Variants in CORO2B observed in about 807,000 individuals in gnomAD.
CORO2B encodes the protein coronin 2B.
Under a neutral mutation model 58.8 loss-of-function variants are expected in CORO2B, and 26 were observed. The ratio of observed to expected loss-of-function variants is 0.44; its 90% CI spans 0.32 to 0.61. The LOEUF (loss-of-function observed/expected upper bound fraction) is 0.61, where lower values mean the gene tolerates loss of function less well. CORO2B is among the 20% of genes least tolerant of loss of function. The probability of loss-of-function intolerance (pLI) is 0.04; values close to 1 mark genes in which losing one functional copy is unlikely to be tolerated. For missense variants in CORO2B, 460 were observed against 645.1 expected, an observed-to-expected ratio of 0.71 and a Z score of 3.11; for synonymous variants, 242 against 253.8, an observed-to-expected ratio of 0.95 and a Z score of 0.44.
intron 2 of CORO2B, among the ~76,000 whole-genome samples, chr15:68,685,413 T>G (rs888372320): frequency 6.6e-6 from 1 of 152,192 alleles, no homozygotes; most frequent in Admixed American, 6.5e-5. Flanking sequence ...GATTTTGCCA[T>G]GTTGCCCAGG....
chr15:68,582,642 AAT>A (rs1014993846), intron 1 of CORO2B, among the ~76,000 whole-genome samples: 11 of 152,208 alleles, frequency 7.2e-5, no homozygotes, highest in Admixed American at 5.9e-4. Context: ...AAGGTACATT[AAT>A]AGAGTCGTGT....
intron 2 of CORO2B, among the ~76,000 whole-genome samples, chr15:68,683,491 A>G (rs965839674): frequency 5.9e-5 from 9 of 152,116 alleles, no homozygotes; most frequent in African/African-American, 2.2e-4. Context: ...TTTTTCCACA[A>G]TTTGCATAGA....
chr15:68,629,691 C>T (rs747851770), intron 1 of CORO2B, among the ~76,000 whole-genome samples: 9 of 152,168 alleles, frequency 5.9e-5, no homozygotes, highest in African/African-American at 2.2e-4. Flanking sequence ...GTCAGTGACA[C>T]GAGCAGCCTC....
chr15:68,671,965 CA>C (rs1244548530), intron 2 of CORO2B, among the ~76,000 whole-genome samples: 1 of 152,152 alleles, frequency 6.6e-6, no homozygotes, highest in Non-Finnish European at 1.5e-5. Flanking sequence ...AAGGGGCAGT[CA>C]GGGGCTATCC....
upstream of CORO2B, among the ~76,000 whole-genome samples, chr15:68,577,802 T>G (rs544259607): frequency 6.6e-6 from 1 of 150,640 alleles, no homozygotes; most frequent in African/African-American, 2.4e-5. Flanking sequence ...TTATTATTGC[T>G]CCAATCTAGA....
At chr15:68,641,380 C>G (rs1021307290) in intron 1 of CORO2B, 2 of 248,672 alleles carry the variant, frequency 8.0e-6, no homozygotes, top group Non-Finnish European at 1.3e-5. Flanking sequence ...CCAGAGCCTT[C>G]ACCACAGATG....
intron 1 of CORO2B, among the ~76,000 whole-genome samples, chr15:68,636,395 C>A (rs1340404534): frequency 6.6e-6 from 1 of 152,226 alleles, no homozygotes; most frequent in Non-Finnish European, 1.5e-5. Context: ...ATAGAATAGA[C>A]CGTGTCTCTG....
chr15:68,703,196 G>C (rs1430586120), intron 3 of CORO2B, among the ~76,000 whole-genome samples: 6 of 137,550 alleles, frequency 4.4e-5, no homozygotes, highest in Admixed American at 2.4e-4. Flanking sequence ...CTGTCACCAG[G>C]CTGTCATGCA....
chr15:68,523,463 C>T, the CORO2B span, among the ~76,000 whole-genome samples: 1 of 152,208 alleles, frequency 6.6e-6, no homozygotes, highest in Non-Finnish European at 1.5e-5. Flanking sequence ...TCCCAAAGTG[C>T]TGGGACTATA....
chr15:68,710,607 C>G lies in CORO2B; in HGVS notation c.334-125C>G. The G allele has an allele frequency of 2.5e-6, 3 of 1,205,256 alleles. No homozygotes were observed. Among genetic ancestry groups the G allele is most frequent in the Non-Finnish European group, 2.2e-6 (2 of 901,730 alleles). The allele number at this position is 1,205,256 out of a possible 1,614,324, so 74.7% of individuals were successfully genotyped here. ...GCCTCAGTCGAGCTTTGCCCATCGC[C>G]TCAAGCCAGGAGGTGGCTCATCAGG... On this transcript the variant is annotated intron_variant, in intron 3 of 11. Coordinates refer to ENST00000261861, the MANE Select transcript of CORO2B (RefSeq NM_006091.5). The surrounding 1 kb of genome is among the most constrained non-coding windows in gnomAD (Gnocchi z 4.1).
At chr15:68,724,004 C>A (rs1475669972) in intron 11 of CORO2B, among the ~76,000 whole-genome samples, 2 of 151,936 alleles carry the variant, frequency 1.3e-5, no homozygotes, top group Non-Finnish European at 1.5e-5. Context: ...GAGTTCAAGA[C>A]CAGCCTGGCC....
chr15:68,644,927 C>T (rs1901373010), intron 1 of CORO2B, among the ~76,000 whole-genome samples: 1 of 152,174 alleles, frequency 6.6e-6, no homozygotes, highest in African/African-American at 2.4e-5. Flanking sequence ...CTATGCCAAT[C>T]TTTGTTTTTG....
At chr15:68,714,497 G>A (rs1263799306) in intron 6 of CORO2B, 62 bp from the exon 7 acceptor site, 2 of 1,318,726 alleles carry the variant, frequency 1.5e-6, no homozygotes, top group Non-Finnish European at 2.2e-6. Flanking sequence ...GCCTTCCTGG[G>A]ATTTGGGGAG....
rs779692073 is a variant in CORO2B, at chr15:68,645,240, T to A, written c.96T>A (p.Asp32Glu). ...TGGCCAACCGGGAGCACTGCTTCGA[T>A]GGGATCCCCATCACCAAGAATGTGC... ...GKVANREHCF[D>E]GIPITKNVHD... Residue 32 changes from aspartate (D) to glutamate (E), a missense_variant, in exon 2 of 12, where the codon GAT (aspartate) becomes GAA (glutamate). Around this residue, in one of 2 missense-constraint regions of CORO2B, gnomAD observed 352 missense variants for 543.0 expected, o/e 0.65. Transcript: ENST00000261861. The surrounding 1 kb of genome is among the most constrained non-coding windows in gnomAD (Gnocchi z 4.5). 7 of 1,614,184 alleles carry A rather than the reference T, an allele frequency of 4.3e-6. No individual in the cohort carries two copies. Among genetic ancestry groups the A allele is most frequent in the Non-Finnish European group, 5.9e-6 (7 of 1,180,028 alleles).
chr15:68,585,419 A>G (rs1486649875), intron 1 of CORO2B, among the ~76,000 whole-genome samples: 2 of 152,180 alleles, frequency 1.3e-5, no homozygotes, highest in Non-Finnish European at 2.9e-5. Context: ...GCATGATCGC[A>G]TTTACTCTGT....
intron 2 of CORO2B, among the ~76,000 whole-genome samples, chr15:68,693,720 C>T (rs1485655458): frequency 6.6e-6 from 1 of 152,232 alleles, no homozygotes. Flanking sequence ...CTACTGGGTA[C>T]CAGACCTGTA....
chr15:68,524,596 C>G, the CORO2B span, among the ~76,000 whole-genome samples: 2,651 of 152,254 alleles, frequency 0.017, 44 homozygotes, highest in Non-Finnish European at 0.023. Flanking sequence ...GATATTTTTT[C>G]CATTTTGCAA....
At chr15:68,720,691 T>C (rs1422095568) in intron 11 of CORO2B, among the ~76,000 whole-genome samples, 1 of 152,150 alleles carries the variant, frequency 6.6e-6, no homozygotes, top group African/African-American at 2.4e-5. Flanking sequence ...ACAGGGTATG[T>C]GAGCAGAAGA....
chr15:68,522,535 T>C, the CORO2B span, among the ~76,000 whole-genome samples: 15,217 of 152,126 alleles, frequency 0.1, 1,634 homozygotes, highest in African/African-American at 0.26. Context: ...CTGCAACCTC[T>C]GCCTCCTGGG....
Sources: gnomAD v4.1 joint callset for allele counts (sites outside exome capture counted in the v4.1 genomes callset) on GRCh38, gnomAD v4.1.1 for gene constraint, gnomAD v4.1.1 regional missense constraint, Gnocchi (gnomAD v3.1) non-coding constraint, MANE v1.5 for transcripts, NCBI Gene and HGNC (gene_info 2026-07-23, HGNC 2026-07-21) for gene names.